PXDNL: variants seen among roughly 807,000 people sequenced by gnomAD.
PXDNL encodes the protein peroxidasin like.
PXDNL carries 145 observed loss-of-function variants against 150.8 expected under a neutral mutation model. The ratio of observed to expected loss-of-function variants is 0.96; its 90% CI spans 0.84 to 1.10. The LOEUF is 1.10. PXDNL is among the 50% of genes least tolerant of loss of function. The probability of loss-of-function intolerance (pLI) is 0.00; values close to 1 mark genes in which losing one functional copy is unlikely to be tolerated. For missense variants in PXDNL, 2,087 were observed against 1,873.9 expected (o/e 1.11, Z -2.10); for synonymous variants, 757 against 725.7 (o/e 1.04, Z -0.69).
rs188587246 is a variant in PXDNL at position 51,396,525 on chromosome 8, G to A, written c.3557+11542C>T. ...TAATCCCAGCACTTTGGGAGGCCAA[G>A]GCAGGTGGATCACCTGAGGTCGGGA... On this transcript the variant is annotated intron_variant, in intron 17 of 22. Transcript: ENST00000356297. Among the ~76,000 whole-genome samples the A allele has an allele frequency of 3.3e-5, 5 of 152,356 alleles. No individual in the cohort carries two copies. In the East Asian group the frequency reaches 9.6e-4, roughly 29 times the overall value.
rs138162717 is a variant in PXDNL at position 51,553,755 on chromosome 8, T to TATATATATATATATATAC, written c.380+3067_380+3084dup. On this transcript the variant is annotated intron_variant, in intron 4 of 22. Transcript: ENST00000356297. Reference sequence around the variant, plus strand: ...GTGAGGGATTTTATATATATATATATATATATATATATATATACACACACT... The same window carrying TATATATATATATATATAC: ...GTGAGGGATTTTATATATATATATATATATATATATATATATACATATATATATATATATACACACACT... Among the ~76,000 whole-genome samples the TATATATATATATATATAC allele has an allele frequency of 2.1e-5, 3 of 144,538 alleles. No homozygotes were observed. The South Asian group carries it at 6.6e-4, about 32-fold the overall frequency. The allele number at this position is 144,538 out of a possible 152,430, so 94.8% of individuals were successfully genotyped here.
At chr8:51,780,877 C>A (rs1183735708) in intron 1 of PXDNL, among the ~76,000 whole-genome samples, 2 of 151,982 alleles carry the variant, frequency 1.3e-5, no homozygotes, top group East Asian at 3.9e-4. Flanking sequence ...CCAGGCTGGT[C>A]TCGAACTCCT....
At chr8:51,343,105 C>G (rs1806038392) in intron 20 of PXDNL, among the ~76,000 whole-genome samples, 1 of 152,006 alleles carries the variant, frequency 6.6e-6, no homozygotes, top group Non-Finnish European at 1.5e-5. Context: ...TTACCAAAAA[C>G]ATAAAACTCA....
chr8:51,521,223 C>A (rs1022365517), intron 4 of PXDNL, among the ~76,000 whole-genome samples: 3 of 152,022 alleles, frequency 2.0e-5, no homozygotes, highest in African/African-American at 7.3e-5. Context: ...GTCTGAGTGA[C>A]AGAATGAGAC....
At position 51,513,380 on chromosome 8, in the gene PXDNL, G is replaced by A. The variant is rs866163364; in HGVS notation, c.381-13610C>T. ...GTTGCTTCAGGGCCACCCCGAGCATGAAGGTGGTGGGCCCACATCTTAGTA... is the reference window on the plus strand; with the variant it reads ...GTTGCTTCAGGGCCACCCCGAGCATAAAGGTGGTGGGCCCACATCTTAGTA... On this transcript the variant is annotated intron_variant, in intron 4 of 22. Transcript: ENST00000356297. Among the ~76,000 whole-genome samples the A allele has an allele frequency of 3.3e-5, 5 of 152,214 alleles. No individual in the cohort carries two copies. The South Asian group carries it at 1.0e-3, about 31-fold the overall frequency.
chr8:51,709,686 T>TATGGTACA (rs1471377504), intron 1 of PXDNL, among the ~76,000 whole-genome samples: 24 of 152,302 alleles, frequency 1.6e-4, no homozygotes, highest in South Asian at 4.1e-4. Context: ...ATAAGTTAAT[T>TATGGTACA]ATGGTACATG....
At chr8:51,601,445 T>C (rs960642083) in intron 2 of PXDNL, among the ~76,000 whole-genome samples, 2 of 152,116 alleles carry the variant, frequency 1.3e-5, no homozygotes, top group Non-Finnish European at 2.9e-5. Context: ...AGTCTTCTTG[T>C]TGAAGTGAAC....
intron 21 of PXDNL, among the ~76,000 whole-genome samples, chr8:51,338,784 G>A (rs2130673889): frequency 6.6e-6 from 1 of 152,318 alleles, no homozygotes; most frequent in South Asian, 2.1e-4. Context: ...AATGAAATAA[G>A]GCATGAGCCA....
intron 7 of PXDNL, among the ~76,000 whole-genome samples, chr8:51,473,324 C>T (rs868752102): frequency 5.9e-4 from 84 of 142,286 alleles, no homozygotes; most frequent in Middle Eastern, 7.8e-3. Flanking sequence ...TACATATTAA[C>T]ATATGCGGCA....
intron 1 of PXDNL, among the ~76,000 whole-genome samples, chr8:51,760,844 A>AATTTTTTTTTT (rs1563312827): frequency 2.1e-5 from 1 of 48,034 alleles, no homozygotes; most frequent in Non-Finnish European, 4.6e-5. Context: ...AATCACTTAA[A>AATTTTTTTTTT]CTTTTTTTTT....
At chr8:51,572,153 T>C (rs1362309776) in intron 3 of PXDNL, among the ~76,000 whole-genome samples, 2 of 151,892 alleles carry the variant, frequency 1.3e-5, no homozygotes, top group South Asian at 2.1e-4. Flanking sequence ...AGCACTTGCA[T>C]GTAAATTAAT....
At chr8:51,786,105 T>G (rs185565079) in intron 1 of PXDNL, among the ~76,000 whole-genome samples, 249 of 152,332 alleles carry the variant, frequency 1.6e-3, no homozygotes, top group African/African-American at 5.7e-3. Flanking sequence ...AGCACCTTTG[T>G]AAGAACCAAA....
intron 1 of PXDNL, among the ~76,000 whole-genome samples, chr8:51,663,223 C>T (rs1343956567): frequency 6.6e-6 from 1 of 152,202 alleles, no homozygotes; most frequent in Non-Finnish European, 1.5e-5. Flanking sequence ...CCTCCATTGC[C>T]CTGCCTGCGC....
At chr8:51,385,833 C>T (rs1275982836) in intron 17 of PXDNL, among the ~76,000 whole-genome samples, 1 of 152,174 alleles carries the variant, frequency 6.6e-6, no homozygotes, top group Non-Finnish European at 1.5e-5. Flanking sequence ...TTTCACTTGG[C>T]TCTCATTCTC....
At chr8:51,606,665 A>C (rs140553542) in intron 2 of PXDNL, among the ~76,000 whole-genome samples, 1,727 of 152,298 alleles carry the variant, frequency 0.011, 14 homozygotes, top group South Asian at 0.026. Context: ...CCACATTTTA[A>C]AAAAGTAAAA....
rs1421437447 is a variant in PXDNL, at chr8:51,426,698, T to C, written c.1586A>G (p.Asn529Ser). 13 of 1,608,958 alleles carry C rather than the reference T, an allele frequency of 8.1e-6. No individual in the cohort carries two copies. In the South Asian group the frequency reaches 1.4e-4, roughly 18 times the overall value. The change falls in exon 13 of 23, where the codon AAC (asparagine) becomes AGC (serine). Residue 529 changes from asparagine (N) to serine (S), a missense_variant. Transcript: ENST00000356297. ...DTSVEVGKNINISCHAQGEPQ... is the reference protein window; with the variant it reads ...DTSVEVGKNISISCHAQGEPQ... ...TTCTCCTTGAGCATGACATGAAATG[T>C]TTATATTCTTTCCAACCTCGACACT... is the stretch of plus-strand genomic sequence containing the variant.
chr8:51,492,953 G>A (rs1032394541), intron 5 of PXDNL, among the ~76,000 whole-genome samples: 1 of 152,214 alleles, frequency 6.6e-6, no homozygotes, highest in Admixed American at 6.5e-5. Context: ...CCAGCACCCA[G>A]CTGGAGACCT....
rs199576127 is a variant in PXDNL, at chr8:51,615,302, GT to G, written c.237-22605del. ...CTCAGTCAACCTAAGAAGCTGACTT[GT>G]TTTTTTTTTCATCAGTTTCTCTATG... On this transcript the variant is annotated intron_variant, in intron 2 of 22. Coordinates refer to ENST00000356297, the MANE Select transcript of PXDNL (RefSeq NM_144651.5). Among the ~76,000 whole-genome samples, 481 of 144,338 alleles carry G rather than the reference GT, an allele frequency of 3.3e-3. 2 individuals are homozygous for G. The highest frequency in any genetic ancestry group is 5.4e-3 in the Non-Finnish European group (357 of 65,712). 94.7% of individuals were successfully genotyped at this position (144,338 alleles called of 152,430 possible).
At chr8:51,511,683 C>A (rs142585724) in intron 4 of PXDNL, among the ~76,000 whole-genome samples, 1 of 152,278 alleles carries the variant, frequency 6.6e-6, no homozygotes, top group Non-Finnish European at 1.5e-5. Context: ...CTGAGGTCAC[C>A]GCAGAGCCAC....
Sources: allele counts gnomAD v4.1 joint callset (sites outside exome capture counted in the v4.1 genomes callset), GRCh38; gene constraint gnomAD v4.1.1; transcripts MANE v1.5; gene names NCBI Gene and HGNC (gene_info 2026-07-23, HGNC 2026-07-21).